The following EXOSC10 variants were observed in gnomAD, a reference collection of about 807,000 sequenced individuals.
The protein encoded by EXOSC10 is exosome component 10, also known as exosome complex component 10.
A neutral mutation model predicts 126.6 loss-of-function variants in EXOSC10; 94 were observed. The observed-to-expected ratio is 0.74, with a 90% CI of 0.63 to 0.88. The LOEUF is 0.88. EXOSC10 is among the 40% of genes least tolerant of loss of function. EXOSC10 has a pLI of 0.00. For missense variants in EXOSC10, 1,041 were observed against 1,100.5 expected, an observed-to-expected ratio of 0.95 and a Z score of 0.77; for synonymous variants, 395 against 400.8, an observed-to-expected ratio of 0.99 and a Z score of 0.17.
chr1:11,087,609 A>C lies in EXOSC10; in HGVS notation c.946-18T>G. 3 of 1,611,554 alleles carry C rather than the reference A, an allele frequency of 1.9e-6. No homozygotes were observed. Among genetic ancestry groups the C allele is most frequent in the Non-Finnish European group, 2.5e-6 (3 of 1,178,852 alleles). On this transcript the variant is annotated intron_variant, in intron 8 of 24. Coordinates refer to ENST00000376936, the MANE Select transcript of EXOSC10 (RefSeq NM_001001998.3). ...GAGTGGTGCTAAACCCCACAGAAGG[A>C]GGGGAGAAGAGGAAAAACAAAGATT...
At position 11,079,354 on chromosome 1, in the gene EXOSC10, A is replaced by C. The variant is rs545833862; in HGVS notation, c.1749+357T>G. Among the ~76,000 whole-genome samples, 185 of 151,104 alleles carry C rather than the reference A, an allele frequency of 1.2e-3. 1 individual carries two copies. The highest frequency in any genetic ancestry group is 2.5e-3 in the African/African-American group (104 of 41,240). On this transcript the variant is annotated intron_variant, in intron 14 of 24. Coordinates refer to ENST00000376936, the MANE Select transcript of EXOSC10 (RefSeq NM_001001998.3). ...AAAAAACAAAAAACAAACAAACAAA[A>C]AAAAAACAGGCTTGCTAAGTTGGGA...
At chr1:11,097,509 G>A (rs563772803) in intron 2 of EXOSC10, among the ~76,000 whole-genome samples, 9 of 152,062 alleles carry the variant, frequency 5.9e-5, no homozygotes, top group Admixed American at 4.6e-4. Flanking sequence ...GGTGGATCAC[G>A]AGGTCAGGAG....
At chr1:11,091,930 T>C (rs934626264) in intron 3 of EXOSC10, among the ~76,000 whole-genome samples, 1 of 152,134 alleles carries the variant, frequency 6.6e-6, no homozygotes, top group African/African-American at 2.4e-5. Flanking sequence ...CCTCAAGTGA[T>C]CCGCCCACCT....
At chr1:11,068,335 G>A in intron 23 of EXOSC10, 1 of 587,278 alleles carries the variant, frequency 1.7e-6, no homozygotes, top group Non-Finnish European at 3.0e-6. Context: ...CCTGGCACCA[G>A]CACCAACACC....
intron 13 of EXOSC10, among the ~76,000 whole-genome samples, 197 bp from the exon 14 acceptor site, chr1:11,080,019 G>A (rs1381990575): frequency 1.3e-5 from 2 of 152,204 alleles, no homozygotes; most frequent in Non-Finnish European, 2.9e-5. Flanking sequence ...AGCTTTAAGT[G>A]GATCCCTCTT....
chr1:11,078,909 A>G (rs563789351), intron 14 of EXOSC10, among the ~76,000 whole-genome samples: 5 of 152,350 alleles, frequency 3.3e-5, no homozygotes, highest in East Asian at 1.9e-4. Context: ...CATAAAAAAA[A>G]GCAGCTAAAT....
rs149035709 is a variant in EXOSC10, at chr1:11,082,319, G to A, written c.1280+369C>T. Reference sequence around the variant, plus strand: ...TAGAATTCTTTCCCACCTATGGAAGGTCATCTTGCACACACACACACACAC... The same window carrying A: ...TAGAATTCTTTCCCACCTATGGAAGATCATCTTGCACACACACACACACAC... On this transcript the variant is annotated intron_variant, in intron 10 of 24. Coordinates refer to ENST00000376936, the MANE Select transcript of EXOSC10 (RefSeq NM_001001998.3). 8.0e-3 allele frequency among the ~76,000 whole-genome samples: 1,213 copies of A among 151,682 alleles called. 25 individuals carry two copies. Among genetic ancestry groups the A allele is most frequent in the African/African-American group, 0.028 (1,146 of 41,416 alleles).
chr1:11,077,397 G>A lies in EXOSC10; in HGVS notation c.1847C>T (p.Pro616Leu). Residue 616 changes from proline (P) to leucine (L), a missense_variant, in exon 16 of 25, where the codon CCT becomes CTT. By Grantham distance (98) the Pro-to-Leu change is moderately conservative. Coordinates refer to ENST00000376936, the MANE Select transcript of EXOSC10 (RefSeq NM_001001998.3). ...LFGPHDCSHA[P>L]PDGYPIIPTS... ...TGGGATGATTGGATAGCCATCCGGA[G>A]GGGCATGGGAGCAGTCGTGAGGTCC... 6.2e-7 allele frequency: 1 copy of A among 1,613,406 alleles called. No homozygotes were observed. The highest frequency in any genetic ancestry group is 2.2e-5 in the East Asian group (1 of 44,864).
chr1:11,093,867 TGAG>T (rs1264501657), intron 3 of EXOSC10, among the ~76,000 whole-genome samples: 1 of 152,060 alleles, frequency 6.6e-6, no homozygotes, highest in Non-Finnish European at 1.5e-5. Context: ...CAGGATTGTT[TGAG>T]GAGTTCAAGA....
Position 11,077,447 on chromosome 1 carries a change from C to T in EXOSC10, c.1801-4G>A. 1 of 1,613,214 alleles carries T rather than the reference C, an allele frequency of 6.2e-7. No individual in the cohort carries two copies. Among genetic ancestry groups the T allele is most frequent in the South Asian group, 1.1e-5 (1 of 91,050 alleles). On this transcript the variant is annotated splice_polypyrimidine_tract_variant and splice_region_variant and intron_variant, in intron 15 of 24. Coordinates refer to ENST00000376936, the MANE Select transcript of EXOSC10 (RefSeq NM_001001998.3). ...CAAAGAGAACATTCTCCAATCTCTG[C>T]ATTAAAAGACACCAGCAGGCTGGCA...
In EXOSC10 at chr1:11,068,051, C is replaced by A. The variant is rs185396251; in HGVS notation, c.2584G>T (p.Val862Leu). The change falls in exon 24 of 25, where the codon GTG (valine) becomes TTG (leucine). Residue 862 changes from valine (V) to leucine (L), a missense_variant. Physicochemically the swap from Val to Leu is conservative, Grantham distance 32. Transcript: ENST00000376936. ...GGAAAGGACATGCTTTTGTTTCCCA[C>A]CGACTGTTTAATTTTTTTGGCTGCA... is the stretch of plus-strand genomic sequence containing the variant. ...CIAAKKIKQS[V>L]GNKSMSFPTG... 1.2e-6 allele frequency: 2 copies of A among 1,614,068 alleles called. No homozygotes were observed. Among genetic ancestry groups the A allele is most frequent in the Non-Finnish European group, 1.7e-6 (2 of 1,180,036 alleles).
chr1:11,070,521 C>CAAAAA (rs70977541), intron 21 of EXOSC10: 4 of 112,688 alleles, frequency 3.5e-5, no homozygotes, highest in South Asian at 2.6e-4. Context: ...GACACTACTT[C>CAAAAA]AAAAAAAAAA....
At chr1:11,098,674 T>C (rs1232057762) in intron 1 of EXOSC10, among the ~76,000 whole-genome samples, 2 of 152,218 alleles carry the variant, frequency 1.3e-5, no homozygotes, top group Non-Finnish European at 2.9e-5. Context: ...TGGATGAGCA[T>C]CTAAAAACAA....
intron 9 of EXOSC10, among the ~76,000 whole-genome samples, chr1:11,084,830 C>T (rs1330409271): frequency 5.3e-5 from 8 of 152,178 alleles, no homozygotes; most frequent in Admixed American, 2.6e-4. Flanking sequence ...GATCCAGTTT[C>T]AGCTTTCTAC....
chr1:11,069,269 G>T (rs951916419), intron 22 of EXOSC10, among the ~76,000 whole-genome samples: 1 of 151,884 alleles, frequency 6.6e-6, no homozygotes, highest in African/African-American at 2.4e-5. Context: ...GGGTTTATGG[G>T]CACAAGTTAT....
rs1043513982 is a variant in EXOSC10 at position 11,099,768 on chromosome 1, C to T, written c.64G>A (p.Gly22Arg). The T allele has an allele frequency of 8.1e-6, 13 of 1,612,274 alleles. No homozygotes were observed. The South Asian group carries it at 8.8e-5, about 11-fold the overall frequency. ...GGGAAGCCTGGCAGCACCATCTCTC[C>T]GTCGGATTTGGTTGCGCTGGTCGCC... ...LSATSATKSD[G>R]EMVLPGFPDA... The change falls in exon 1 of 25, where the codon GGA becomes AGA. Residue 22 changes from glycine (G) to arginine (R), a missense_variant. Gly to Arg is a moderately radical substitution (Grantham distance 125). Transcript: ENST00000376936.
In EXOSC10 at chr1:11,098,003, C is replaced by T; in HGVS notation, c.248+17G>A. 3 of 1,511,350 alleles carry T rather than the reference C, an allele frequency of 2.0e-6. No individual in the cohort carries two copies. Among genetic ancestry groups the T allele is most frequent in the African/African-American group, 1.4e-5 (1 of 69,828 alleles). The allele number at this position is 1,511,350 out of a possible 1,614,324, so 93.6% of individuals were successfully genotyped here. A position where few individuals can be genotyped will look rare whatever the true frequency, so the allele number is the denominator to read the frequency against. ...ATTTCTTTTCACTAACACAAGAAAACAAAGTACAGTACTTACCACTGAAGC... is the reference window on the plus strand; with the variant it reads ...ATTTCTTTTCACTAACACAAGAAAATAAAGTACAGTACTTACCACTGAAGC... On this transcript the variant is annotated intron_variant, in intron 2 of 24. Transcript: ENST00000376936.
intron 9 of EXOSC10, among the ~76,000 whole-genome samples, chr1:11,083,962 C>T (rs372362171): frequency 6.6e-6 from 1 of 152,026 alleles, no homozygotes; most frequent in Non-Finnish European, 1.5e-5. Context: ...TGAACTCATC[C>T]TTTTTTATGG....
rs550062323 is a variant in EXOSC10 at position 11,094,694 on chromosome 1, G to A, written c.372+1064C>T. Among the ~76,000 whole-genome samples, 9 of 150,330 alleles carry A rather than the reference G, an allele frequency of 6.0e-5. No individual in the cohort carries two copies. In the East Asian group the frequency reaches 8.0e-4, roughly 13 times the overall value. ...CGGCTCACTGCAACCTTGGCCTCCC[G>A]GGTTCAAGCGATTCTCCTGCCTCAG... On this transcript the variant is annotated intron_variant, in intron 3 of 24. Transcript: ENST00000376936.
Sources: allele counts gnomAD v4.1 joint callset (sites outside exome capture counted in the v4.1 genomes callset), GRCh38; gene constraint gnomAD v4.1.1; transcripts MANE v1.5; gene names NCBI Gene and HGNC (gene_info 2026-07-23, HGNC 2026-07-21).